The following KIF7 variants were observed in gnomAD, a reference collection of about 807,000 sequenced individuals.
KIF7 encodes kinesin family member 7.
A neutral mutation model predicts 135.7 loss-of-function variants in KIF7; 104 were observed. That is an observed-to-expected ratio of 0.77 (90% CI 0.65 to 0.90). KIF7 has a LOEUF of 0.90. Ranked by LOEUF, KIF7 falls within the 40% of genes least tolerant of loss-of-function variation. The pLI is 0.00. For synonymous variants in KIF7, 883 were observed against 809.4 expected (o/e 1.09, Z -1.54); for missense variants, 2,005 against 1,839.1 (o/e 1.09, Z -1.65).
intron 1 of KIF7, chr15:89,621,263 C>A: frequency 1.2e-6 from 1 of 802,822 alleles, no homozygotes; most frequent in Non-Finnish European, 1.9e-6. Flanking sequence ...TCAGACCATC[C>A]ACCTGTCTCG....
Position 89,628,262 on chromosome 15 carries a change from G to T in KIF7, c.*157C>A. On this transcript the variant is annotated 3_prime_UTR_variant, in exon 19 of 19. Transcript: ENST00000394412. The stretch of plus-strand genomic sequence containing the variant: ...TGTTAAATGAGGGTCCAGTTCTTTT[G>T]GGCCATGGCCCAAATTTGTTGATCC... 1.2e-6 allele frequency: 1 copy of T among 851,288 alleles called. No homozygotes were observed. Among genetic ancestry groups the T allele is most frequent in the Non-Finnish European group, 1.8e-6 (1 of 560,962 alleles). 52.7% of individuals were successfully genotyped at this position (851,288 alleles called of 1,614,324 possible). A position where few individuals can be genotyped will look rare whatever the true frequency, so the allele number is the denominator to read the frequency against.
At chr15:89,635,168 C>T (rs1287852372) in intron 11 of KIF7, among the ~76,000 whole-genome samples, 1 of 152,092 alleles carries the variant, frequency 6.6e-6, no homozygotes, top group Non-Finnish European at 1.5e-5. Flanking sequence ...ACACCAAAAA[C>T]CCATCTGTAC....
chr15:89,654,585 C>T (rs1438962144), intron 1 of KIF7, among the ~76,000 whole-genome samples: 2 of 152,158 alleles, frequency 1.3e-5, no homozygotes, highest in African/African-American at 4.8e-5. Context: ...ACTCCAACTG[C>T]AGGTTACTAC....
In KIF7 at chr15:89,633,928, C is replaced by T. The variant is rs11633151; in HGVS notation, c.2395-45G>A. ...CACTGGGCCATGCACGGGGCTACCG[C>T]GAGCCTGCCATAGTGCTGGGCACTC... On this transcript the variant is annotated intron_variant, in intron 11 of 18. Transcript: ENST00000394412. 0.56 allele frequency: 896,874 copies of T among 1,604,778 alleles called. 254,013 individuals are homozygous for T. Among genetic ancestry groups the T allele is most frequent in the Non-Finnish European group, 0.59 (688,017 of 1,173,890 alleles).
intron 14 of KIF7, among the ~76,000 whole-genome samples, chr15:89,632,158 T>A (rs1963693452): frequency 6.6e-6 from 1 of 152,018 alleles, no homozygotes; most frequent in South Asian, 2.1e-4. Context: ...GACATCAGAG[T>A]GATGCGTGCT....
Position 89,629,536 on chromosome 15 carries a change from A to G in KIF7, c.3356T>C (p.Ile1119Thr). The change falls in exon 17 of 19, where the codon ATT (isoleucine) becomes ACT (threonine). Residue 1119 changes from isoleucine to threonine, a missense_variant. Physicochemically the swap from Ile to Thr is moderately conservative, Grantham distance 89. Coordinates refer to ENST00000394412, the MANE Select transcript of KIF7 (RefSeq NM_198525.3). ...CTGCATCTCCAGTTCCGAGAAGGCAATCTGCTGCTGGTGCTGCTCCTCTCG... is the reference window on the plus strand; with the variant it reads ...CTGCATCTCCAGTTCCGAGAAGGCAGTCTGCTGCTGGTGCTGCTCCTCTCG... ...TLREEQHQQQ[I>T]AFSELEMQLE... 1.2e-6 allele frequency: 2 copies of G among 1,609,944 alleles called. No homozygotes were observed. The highest frequency in any genetic ancestry group is 1.1e-5 in the South Asian group (1 of 91,066).
downstream of KIF7, chr15:89,627,209 G>A (rs1324769188): frequency 2.7e-5 from 32 of 1,205,232 alleles, no homozygotes; most frequent in East Asian, 7.1e-4. Flanking sequence ...CCATTAGAAT[G>A]CCTTAGGGTT....
rs528407611 is a variant in KIF7, at chr15:89,628,691, G to T, written c.3760C>A (p.Leu1254Ile). ...CGGGTGCGGGGGGCCCCCTCAGTGA[G>T]GGGGGACAGCCAGAGAAGCTCGGGT... ...LAPELLWLSP[L>I]TEGAPRTREE... Residue 1254 changes from leucine to isoleucine, a missense_variant, in exon 19 of 19, where the codon CTC becomes ATC. Coordinates refer to ENST00000394412, the MANE Select transcript of KIF7 (RefSeq NM_198525.3). The T allele has an allele frequency of 6.8e-6, 11 of 1,613,028 alleles. No homozygotes were observed. The East Asian group carries it at 1.3e-4, about 20-fold the overall frequency.
chr15:89,630,237 C>G (rs1432237718), intron 16 of KIF7, 50 bp downstream of exon 16: 11 of 1,546,192 alleles, frequency 7.1e-6, no homozygotes, highest in Admixed American at 5.1e-5. Flanking sequence ...AGACACCTCC[C>G]CACACGTGCC....
chr15:89,651,668 A>G (rs1484234963), intron 2 of KIF7, among the ~76,000 whole-genome samples: 3 of 152,224 alleles, frequency 2.0e-5, no homozygotes, highest in Non-Finnish European at 4.4e-5. Context: ...CCGAAAGGCA[A>G]TTATCAAGTA....
chr15:89,634,847 C>G (rs1963769699), intron 11 of KIF7, among the ~76,000 whole-genome samples: 2 of 152,196 alleles, frequency 1.3e-5, no homozygotes, highest in South Asian at 4.1e-4. Context: ...GGCCTGCCTG[C>G]CTCTGTAGGC....
chr15:89,635,121 A>C (rs7163092), intron 11 of KIF7, among the ~76,000 whole-genome samples: 84,536 of 150,576 alleles, frequency 0.56, 24,056 homozygotes, highest in African/African-American at 0.59. Context: ...AGGGTCCTGT[A>C]TGTTAGAAGG....
Position 89,647,576 on chromosome 15 carries a change from C to T in KIF7, c.1560+20G>A, listed in dbSNP as rs767169394. 1.9e-6 allele frequency: 3 copies of T among 1,599,236 alleles called. No individual in the cohort carries two copies. Among genetic ancestry groups the T allele is most frequent in the Admixed American group, 1.7e-5 (1 of 60,012 alleles). The stretch of plus-strand genomic sequence containing the variant: ...CCTCCTCTGGGAAGCCTTCCCCGCA[C>T]TGTGAAGCGGGCGCCGCACCTGCAG... On this transcript the variant is annotated intron_variant, in intron 6 of 18. Transcript: ENST00000394412.
chr15:89,645,460 C>G lies in KIF7; in HGVS notation c.1923-9G>C, dbSNP rs756449391. On this transcript the variant is annotated splice_polypyrimidine_tract_variant and intron_variant, in intron 8 of 18. Transcript: ENST00000394412. ...AGTTGCTGATCCTATTTCTGGAGGA[C>G]AGAAGCAGGAGGCCATGCTCCTCCC... 1.2e-6 allele frequency: 2 copies of G among 1,604,034 alleles called. No individual in the cohort carries two copies. The highest frequency in any genetic ancestry group is 1.7e-6 in the Non-Finnish European group (2 of 1,174,032).
Position 89,652,634 on chromosome 15 carries a change from C to G in KIF7, c.297G>C (p.Gly99=). Residue 99 remains glycine, a synonymous_variant, in exon 2 of 19, where the codon GGG becomes GGC. Transcript: ENST00000394412. ...TGGCCTCCCCCATGGTGTATGTCTT[C>G]CCTGAGCCCGTCTGACCATAGGCAA... ...TVFAYGQTGS[G]KTYTMGEASV... 6.5e-7 allele frequency: 1 copy of G among 1,542,520 alleles called. No individual in the cohort carries two copies.
chr15:89,636,929 G>A (rs1157245219), intron 11 of KIF7, among the ~76,000 whole-genome samples: 3,623 of 139,044 alleles, frequency 0.026, 165 homozygotes, highest in African/African-American at 0.095. Flanking sequence ...ATACTTGGAA[G>A]TAAAGCTCTC....
chr15:89,633,832 G>A lies in KIF7; in HGVS notation c.2446C>T (p.Gln816Ter). Residue 816 changes from glutamine to a stop codon, truncating the protein, a stop_gained, in exon 12 of 19, where the codon CAG becomes TAG. Coordinates refer to ENST00000394412, the MANE Select transcript of KIF7 (RefSeq NM_198525.3). LOFTEE classifies it high-confidence loss of function. Reference sequence around the variant, plus strand: ...AGCTCCTGCAGTCGCTTCTCACTCTGGGCCGACAGTGACACCAGCCGCTCC... The same window carrying A: ...AGCTCCTGCAGTCGCTTCTCACTCTAGGCCGACAGTGACACCAGCCGCTCC... ...ATERLVSLSAQSEKRLQELER... is the reference protein window; with the variant it reads ...ATERLVSLSA The A allele has an allele frequency of 6.2e-7, 1 of 1,613,492 alleles. No individual in the cohort carries two copies.
At chr15:89,650,329 C>T (rs1245492894) in intron 2 of KIF7, among the ~76,000 whole-genome samples, 2 of 152,182 alleles carry the variant, frequency 1.3e-5, no homozygotes, top group Non-Finnish European at 2.9e-5. Context: ...CACTCTTCCT[C>T]ATGACTTCAA....
chr15:89,642,256 A>T lies in KIF7; in HGVS notation c.2341T>A (p.Ser781Thr), dbSNP rs886051530. Residue 781 changes from serine to threonine, a missense_variant, in exon 11 of 19, where the codon TCT becomes ACT. Transcript: ENST00000394412. ...CTCCTGCGGAACTCCTGGAGCCGAG[A>T]CCGCTCGCCAGCATCCTGGAGCTCC... ...GKELQDAGER[S>T]RLQEFRRRVA... 1 of 1,610,140 alleles carries T rather than the reference A, an allele frequency of 6.2e-7. No individual in the cohort carries two copies. Among genetic ancestry groups the T allele is most frequent in the Non-Finnish European group, 8.5e-7 (1 of 1,179,690 alleles).
Sources: allele counts gnomAD v4.1 joint callset (sites outside exome capture counted in the v4.1 genomes callset), GRCh38; gene constraint gnomAD v4.1.1; transcripts MANE v1.5; gene names NCBI Gene and HGNC (gene_info 2026-07-23, HGNC 2026-07-21).